The following RBFOX1 variants were observed in gnomAD, a reference collection of about 807,000 sequenced individuals.
The protein encoded by RBFOX1 is RNA binding protein fox-1 homolog 1.
Under a neutral mutation model 57.7 loss-of-function variants are expected in RBFOX1, and 8 were observed. That is an observed-to-expected ratio of 0.14 (90% CI 0.08 to 0.25). The LOEUF (loss-of-function observed/expected upper bound fraction) is 0.25, where lower values mean the gene tolerates loss of function less well. Among genes scored for constraint, RBFOX1 ranks in the 10% least tolerant of loss-of-function variants. The probability of loss-of-function intolerance (pLI) is 1.00; values close to 1 mark genes in which losing one functional copy is unlikely to be tolerated. For missense variants in RBFOX1, 611 were observed against 548.5 expected (o/e 1.11, Z -1.14); for synonymous variants, 326 against 222.4 (o/e 1.47, Z -4.15).
At chr16:6,946,372 A>G (rs561466150) in intron 3 of RBFOX1, among the ~76,000 whole-genome samples, 7 of 152,324 alleles carry the variant, frequency 4.6e-5, no homozygotes, top group Admixed American at 1.3e-4. Context: ...TACTGGGCCT[A>G]TATTGCTTAT....
intron 2 of RBFOX1, among the ~76,000 whole-genome samples, chr16:6,424,883 A>G (rs965550976): frequency 2.6e-5 from 4 of 152,072 alleles, no homozygotes; most frequent in Non-Finnish European, 5.9e-5. Flanking sequence ...ATACAACACT[A>G]TTTGCACTAT....
chr16:5,922,195 A>G (rs558637887), intron 4 of RBFOX1, among the ~76,000 whole-genome samples: 3 of 152,188 alleles, frequency 2.0e-5, no homozygotes, highest in East Asian at 3.9e-4. Context: ...CTAGCTCTCT[A>G]TGTGAACTCA....
chr16:7,092,936 T>G (rs1222702379), intron 4 of RBFOX1, among the ~76,000 whole-genome samples: 1 of 152,220 alleles, frequency 6.6e-6, no homozygotes, highest in Non-Finnish European at 1.5e-5. Flanking sequence ...CCAAGTTAGT[T>G]GACGCATTCG....
intron 4 of RBFOX1, among the ~76,000 whole-genome samples, chr16:7,301,444 A>G (rs1426570855): frequency 6.6e-6 from 1 of 152,188 alleles, no homozygotes; most frequent in Admixed American, 6.5e-5. Flanking sequence ...TCTGACTGTG[A>G]AAACTTAAGT....
At chr16:7,054,235 T>TGG (rs2051220953) in intron 4 of RBFOX1, among the ~76,000 whole-genome samples, 1 of 60,468 alleles carries the variant, frequency 1.7e-5, no homozygotes, top group African/African-American at 6.0e-5. Flanking sequence ...GCGGGGAGCT[T>TGG]TTTTTTTTTT....
chr16:5,311,988 A>G lies in RBFOX1; in HGVS notation c.219+71883A>G, dbSNP rs113382521. Among the ~76,000 whole-genome samples, 15 of 152,330 alleles carry G rather than the reference A, an allele frequency of 9.8e-5. 1 individual carries two copies. Among genetic ancestry groups the G allele is most frequent in the African/African-American group, 3.1e-4 (13 of 41,580 alleles). ...CATGAGCCTTGCAAGAGCAAAGGCC[A>G]TGTTCTATTAATGCCTGAATTTCCC... On this transcript the variant is annotated intron_variant, in intron 1 of 2. Transcript: ENST00000585867.
chr16:7,706,252 C>T (rs1204255965), intron 14 of RBFOX1, among the ~76,000 whole-genome samples: 1 of 152,172 alleles, frequency 6.6e-6, no homozygotes, highest in Non-Finnish European at 1.5e-5. Context: ...CTCTTTTCCT[C>T]TGGGGAAATG....
At chr16:7,040,534 A>T (rs1458946956) in intron 3 of RBFOX1, among the ~76,000 whole-genome samples, 7 of 151,924 alleles carry the variant, frequency 4.6e-5, no homozygotes, top group Non-Finnish European at 8.8e-5. Flanking sequence ...TCCAAGATTA[A>T]AAATGAGAAA....
chr16:6,064,207 A>G (rs2095728411), intron 1 of RBFOX1, among the ~76,000 whole-genome samples: 1 of 152,202 alleles, frequency 6.6e-6, no homozygotes, highest in Non-Finnish European at 1.5e-5. Context: ...GGGTTGAAAG[A>G]GATGACCTAT....
intron 3 of RBFOX1, among the ~76,000 whole-genome samples, chr16:5,688,327 A>C (rs1039301820): frequency 6.6e-6 from 1 of 152,204 alleles, no homozygotes; most frequent in African/African-American, 2.4e-5. Flanking sequence ...TTTGCATTGC[A>C]ACAAGAATTT....
At chr16:6,384,599 G>C (rs2092110755) in intron 2 of RBFOX1, among the ~76,000 whole-genome samples, 1 of 152,170 alleles carries the variant, frequency 6.6e-6, no homozygotes. Flanking sequence ...ACAGGGCTTT[G>C]GAGGTCATCT....
chr16:7,502,264 T>G lies in RBFOX1; in HGVS notation c.28-15883T>G, dbSNP rs532488095. Among the ~76,000 whole-genome samples the G allele has an allele frequency of 4.2e-4, 64 of 152,346 alleles. No homozygotes were observed. In the Middle Eastern group the frequency reaches 0.017, roughly 40 times the overall value. On this transcript the variant is annotated intron_variant, in intron 4 of 15. Transcript: ENST00000550418. ...ATATCTATCATGTCAAACACCTGAT[T>G]ACTATGTGCGGAAGAAAAAGAGGGA...
At chr16:6,761,130 A>T (rs1233910103) in intron 3 of RBFOX1, among the ~76,000 whole-genome samples, 1 of 152,188 alleles carries the variant, frequency 6.6e-6, no homozygotes, top group East Asian at 1.9e-4. Flanking sequence ...ATGCCTTAGA[A>T]ATTTTCATCA....
intron 3 of RBFOX1, among the ~76,000 whole-genome samples, chr16:6,810,304 A>C (rs182754709): frequency 3.5e-4 from 53 of 152,220 alleles, no homozygotes; most frequent in African/African-American, 1.2e-3. Flanking sequence ...TTATTCTGAA[A>C]GGTTAAATGA....
rs1015957052 is a variant in RBFOX1, at chr16:7,456,054, G to A, written c.28-62093G>A. The stretch of plus-strand genomic sequence containing the variant: ...AGGGCCCCAGGCTTTGAAGAGCCCC[G>A]CATGTGGTCTTATGCTATAGCTGGA... On this transcript the variant is annotated intron_variant, in intron 4 of 15. Transcript: ENST00000550418. 4.6e-5 allele frequency among the ~76,000 whole-genome samples: 7 copies of A among 152,236 alleles called. No homozygotes were observed. In the East Asian group the frequency reaches 9.7e-4, roughly 21 times the overall value.
intron 2 of RBFOX1, among the ~76,000 whole-genome samples, chr16:6,588,842 C>T (rs932814582): frequency 6.6e-6 from 1 of 152,196 alleles, no homozygotes; most frequent in Admixed American, 6.5e-5. Context: ...TGCTGTCTCA[C>T]TGCCTCCTTA....
chr16:5,253,301 A>G (rs1336102124), intron 1 of RBFOX1, among the ~76,000 whole-genome samples: 1 of 151,996 alleles, frequency 6.6e-6, no homozygotes. Context: ...AGGCACCCAC[A>G]ACCACACCCA....
chr16:6,006,802 G>A (rs952958251), intron 4 of RBFOX1, among the ~76,000 whole-genome samples: 3 of 152,196 alleles, frequency 2.0e-5, no homozygotes, highest in African/African-American at 4.8e-5. Context: ...TACAATGAGT[G>A]GAAATGAGGG....
intron 4 of RBFOX1, among the ~76,000 whole-genome samples, chr16:7,489,077 C>T (rs2066221066): frequency 6.6e-6 from 1 of 152,112 alleles, no homozygotes; most frequent in Non-Finnish European, 1.5e-5. Context: ...TGTCTGTCTC[C>T]CCATGTCTGT....
Sources: allele counts gnomAD v4.1 joint callset (sites outside exome capture counted in the v4.1 genomes callset), GRCh38; gene constraint gnomAD v4.1.1; transcripts MANE v1.5; gene names NCBI Gene and HGNC (gene_info 2026-07-23, HGNC 2026-07-21).